ARID4B: variants seen among roughly 807,000 people sequenced by gnomAD.
ARID4B encodes the protein AT-rich interaction domain 4B.
A neutral mutation model predicts 147.5 loss-of-function variants in ARID4B; 26 were observed. That is an observed-to-expected ratio of 0.18 (90% CI 0.13 to 0.24). The LOEUF is 0.24. ARID4B is among the 10% of genes least tolerant of loss of function. ARID4B has a pLI of 1.00. For missense variants in ARID4B, 1,179 were observed against 1,511.5 expected, an observed-to-expected ratio of 0.78 and a Z score of 3.65; for synonymous variants, 512 against 507.9, an observed-to-expected ratio of 1.01 and a Z score of -0.11.
intron 16 of ARID4B, among the ~76,000 whole-genome samples, chr1:235,214,358 G>T (rs945332401): frequency 1.3e-4 from 20 of 152,202 alleles, no homozygotes; most frequent in African/African-American, 4.1e-4. Flanking sequence ...ATTAATAAAA[G>T]TGTTTTAACA....
intron 23 of ARID4B, among the ~76,000 whole-genome samples, chr1:235,170,869 G>A (rs147343915): frequency 1.3e-3 from 174 of 133,488 alleles, no homozygotes; most frequent in African/African-American, 4.6e-3. Flanking sequence ...CCAAGATCGC[G>A]CCACTGCACT....
At chr1:235,252,969 TAG>T (rs929414416) in intron 5 of ARID4B, among the ~76,000 whole-genome samples, 160 bp from the exon 6 acceptor site, 21 of 152,350 alleles carry the variant, frequency 1.4e-4, no homozygotes, top group African/African-American at 3.8e-4. Context: ...ACTTCAAATA[TAG>T]AGTTATTAAA....
At chr1:235,188,044 C>A (rs573236633) in intron 19 of ARID4B, among the ~76,000 whole-genome samples, 1 of 151,792 alleles carries the variant, frequency 6.6e-6, no homozygotes, top group Admixed American at 6.6e-5. Context: ...GTTAATGATC[C>A]CATCTGTAAA....
At position 235,182,741 on chromosome 1, in the gene ARID4B, T is replaced by C; in HGVS notation, c.2178A>G (p.Gln726=). 6.2e-7 allele frequency: 1 copy of C among 1,611,236 alleles called. No individual in the cohort carries two copies. The highest frequency in any genetic ancestry group is 2.2e-5 in the East Asian group (1 of 44,852). The stretch of plus-strand genomic sequence containing the variant: ...CCTCTTTGCCATTATTATCCATGTC[T>C]TGAGCACCTCTCTCATCTTCCTGCT... The part of the protein sequence containing the change: ...DSEQEDERGA[Q]DMDNNGKEES... The change falls in exon 20 of 24, where the codon CAA becomes CAG. Residue 726 remains glutamine, a synonymous_variant. Coordinates refer to ENST00000264183, the MANE Select transcript of ARID4B (RefSeq NM_016374.6).
At chr1:235,269,167 C>T (rs542590741) in intron 2 of ARID4B, among the ~76,000 whole-genome samples, 2 of 152,084 alleles carry the variant, frequency 1.3e-5, no homozygotes, top group Non-Finnish European at 2.9e-5. Flanking sequence ...TCCATATTGA[C>T]AAGAATGAAT....
chr1:235,220,360 C>T lies in ARID4B; in HGVS notation c.1349G>A (p.Arg450Lys), dbSNP rs1238160583. ...KMEEERNIIP[R>K]EEKPIEDEIE... ...TTCATCCTCAATAGGCTTTTCTTCT[C>T]TTGGTATTATATTCCTCTCCTCCTC... The change falls in exon 15 of 24, where the codon AGA becomes AAA. Residue 450 changes from arginine to lysine, a missense_variant. Physicochemically the swap from Arg to Lys is conservative, Grantham distance 26. Transcript: ENST00000264183. The T allele has an allele frequency of 6.2e-7, 1 of 1,608,878 alleles. No homozygotes were observed.
chr1:235,323,474 A>G (rs1353114661), intron 2 of ARID4B, among the ~76,000 whole-genome samples: 2 of 152,178 alleles, frequency 1.3e-5, no homozygotes, highest in Non-Finnish European at 2.9e-5. Context: ...ACAGGAAAAA[A>G]AAGTTTGAGT....
chr1:235,286,977 T>C (rs1672014061), intron 2 of ARID4B, among the ~76,000 whole-genome samples: 1 of 152,168 alleles, frequency 6.6e-6, no homozygotes, highest in African/African-American at 2.4e-5. Context: ...TTTTACCTTT[T>C]GGCCAGGCAC....
intron 2 of ARID4B, among the ~76,000 whole-genome samples, chr1:235,284,271 A>T (rs1389895856): frequency 1.3e-5 from 2 of 152,128 alleles, no homozygotes; most frequent in Admixed American, 6.5e-5. Flanking sequence ...GAGGCAGAAG[A>T]ATCGCTTGAA....
chr1:235,229,860 C>T (rs1343454474), intron 10 of ARID4B, among the ~76,000 whole-genome samples: 1 of 152,134 alleles, frequency 6.6e-6, no homozygotes, highest in African/African-American at 2.4e-5. Flanking sequence ...GTAACAATTA[C>T]CTTCAACTAA....
chr1:235,249,336 A>AAAAG (rs1553302875), intron 6 of ARID4B, among the ~76,000 whole-genome samples: 1 of 152,156 alleles, frequency 6.6e-6, no homozygotes, highest in Non-Finnish European at 1.5e-5. Context: ...CTGTCTCAAA[A>AAAAG]AAATAAATAA....
chr1:235,314,011 CTAA>C lies in ARID4B; in HGVS notation c.6+12900_6+12902del, dbSNP rs539848287. On this transcript the variant is annotated intron_variant, in intron 2 of 23. Transcript: ENST00000264183. ...GAATCTGCACATTCTTTCTACCGAA[CTAA>C]TAATAATAGCTACAATGTATTGAGA... 1.6e-3 allele frequency among the ~76,000 whole-genome samples: 245 copies of C among 152,306 alleles called. 1 individual carries two copies. Among genetic ancestry groups the C allele is most frequent in the Middle Eastern group, 3.4e-3 (1 of 294 alleles).
chr1:235,249,417 T>TA (rs372902684), intron 6 of ARID4B, among the ~76,000 whole-genome samples: 144 of 152,286 alleles, frequency 9.5e-4, no homozygotes, highest in African/African-American at 3.3e-3. Context: ...TAGAAATACC[T>TA]AAACTGTCCT....
chr1:235,321,664 A>G (rs895128098), intron 2 of ARID4B, among the ~76,000 whole-genome samples: 3 of 151,598 alleles, frequency 2.0e-5, no homozygotes, highest in East Asian at 1.9e-4. Context: ...GCTAATTTCT[A>G]TTTTTTGTAT....
Position 235,261,143 on chromosome 1 carries a change from T to A in ARID4B, c.7-391A>T, listed in dbSNP as rs576458356. On this transcript the variant is annotated intron_variant, in intron 2 of 23. Coordinates refer to ENST00000264183, the MANE Select transcript of ARID4B (RefSeq NM_016374.6). ...CTCAAATTCTGGGGTGGGGGGGAAA[T>A]CTTCTAATATTTAGGCTGTATCTTG... Among the ~76,000 whole-genome samples, 13 of 152,188 alleles carry A rather than the reference T, an allele frequency of 8.5e-5. No individual in the cohort carries two copies. In the East Asian group the frequency reaches 2.5e-3, roughly 29 times the overall value.
At chr1:235,174,876 C>T (rs945275981) in intron 22 of ARID4B, among the ~76,000 whole-genome samples, 2 of 151,560 alleles carry the variant, frequency 1.3e-5, no homozygotes, top group Non-Finnish European at 1.5e-5. Context: ...GAGGCCGAGG[C>T]GGGCGGATCA....
intron 10 of ARID4B, 128 bp downstream of exon 10, chr1:235,230,985 A>G (rs1668189205): frequency 1.6e-6 from 1 of 642,282 alleles, no homozygotes; most frequent in Middle Eastern, 4.3e-4. Context: ...TAAAGGTCAC[A>G]AGGAACCAAA....
chr1:235,264,459 G>C (rs1200490145), intron 2 of ARID4B, among the ~76,000 whole-genome samples: 1 of 152,172 alleles, frequency 6.6e-6, no homozygotes, highest in Non-Finnish European at 1.5e-5. Flanking sequence ...TGAGGTAATA[G>C]AGCAGACTGA....
At chr1:235,223,562 T>C (rs1667638156) in intron 12 of ARID4B, among the ~76,000 whole-genome samples, 1 of 150,776 alleles carries the variant, frequency 6.6e-6, no homozygotes, top group South Asian at 2.1e-4. Flanking sequence ...TTCTACTTTC[T>C]TCCCTCTGCT....
Sources: allele counts gnomAD v4.1 joint callset (sites outside exome capture counted in the v4.1 genomes callset), GRCh38; gene constraint gnomAD v4.1.1; transcripts MANE v1.5; gene names NCBI Gene and HGNC (gene_info 2026-07-23, HGNC 2026-07-21).